The following NR2F1-AS1 variants were observed in gnomAD, a reference collection of about 807,000 sequenced individuals.
The protein encoded by NR2F1-AS1 is NR2F1 antisense RNA 1.
chr5:93,556,582 G>A (rs1752361237), intron 2 of NR2F1-AS1, among the ~76,000 whole-genome samples: 1 of 152,088 alleles, frequency 6.6e-6, no homozygotes, highest in South Asian at 2.1e-4. Context: ...AAAATCATTA[G>A]GGTGGGCCCT....
At chr5:93,567,918 T>G (rs183788556) in intron 1 of NR2F1-AS1, among the ~76,000 whole-genome samples, 1 of 152,288 alleles carries the variant, frequency 6.6e-6, no homozygotes, top group African/African-American at 2.4e-5. Context: ...TGGTCAAATA[T>G]CTGGGTAAAA....
At chr5:93,552,372 T>A (rs1239634539) in intron 4 of NR2F1-AS1, among the ~76,000 whole-genome samples, 1 of 152,076 alleles carries the variant, frequency 6.6e-6, no homozygotes, top group African/African-American at 2.4e-5. Context: ...AAGTGCAAAA[T>A]ACCTTATCAT....
At chr5:93,484,111 A>T (rs1036357458) in intron 4 of NR2F1-AS1, among the ~76,000 whole-genome samples, 1 of 152,208 alleles carries the variant, frequency 6.6e-6, no homozygotes, top group Admixed American at 6.5e-5. Flanking sequence ...CATCACAAAG[A>T]TACTCCTCGA....
At chr5:93,565,543 G>T (rs1234944338) in intron 1 of NR2F1-AS1, among the ~76,000 whole-genome samples, 1 of 151,942 alleles carries the variant, frequency 6.6e-6, no homozygotes, top group African/African-American at 2.4e-5. Context: ...AATATATTCT[G>T]GAAGGCTTCA....
intron 4 of NR2F1-AS1, among the ~76,000 whole-genome samples, chr5:93,465,038 C>T (rs1200318663): frequency 6.6e-6 from 1 of 152,242 alleles, no homozygotes; most frequent in African/African-American, 2.4e-5. Context: ...TCTCCTGACA[C>T]CTTGCAGCTT....
In NR2F1-AS1 at chr5:93,480,096, G is replaced by GA. The variant is rs1331126353; in HGVS notation, n.638+73664dup. Among the ~76,000 whole-genome samples, 3 of 151,748 alleles carry GA rather than the reference G, an allele frequency of 2.0e-5. No homozygotes were observed. The South Asian group carries it at 6.2e-4, about 32-fold the overall frequency. ...ATGGGTTACAGAAACAGAAAAGAGAGAAATGAAGAAACATTATCCAAAAAC... is the reference window on the plus strand; with the variant it reads ...ATGGGTTACAGAAACAGAAAAGAGAGAAAATGAAGAAACATTATCCAAAAAC... On this transcript the variant is annotated intron_variant and non_coding_transcript_variant, in intron 4 of 5. Transcript: ENST00000660523.
At position 93,466,038 on chromosome 5, in the gene NR2F1-AS1, C is replaced by T. The variant is rs143896877; in HGVS notation, n.639-70496G>A. ...TGTATACATATGTAACAAACCTGCA[C>T]GTTGTGCACATGTACCCTAGAACTT... On this transcript the variant is annotated intron_variant and non_coding_transcript_variant, in intron 4 of 5. Transcript: ENST00000660523. Among the ~76,000 whole-genome samples, 475 of 151,268 alleles carry T rather than the reference C, an allele frequency of 3.1e-3. 1 individual carries two copies. Among genetic ancestry groups the T allele is most frequent in the African/African-American group, 0.011 (450 of 41,114 alleles).
chr5:93,485,329 T>C (rs1414124122), intron 4 of NR2F1-AS1, among the ~76,000 whole-genome samples: 2 of 152,146 alleles, frequency 1.3e-5, no homozygotes, highest in Non-Finnish European at 2.9e-5. Context: ...CACAACTACA[T>C]GAAAACTGAA....
At chr5:93,427,222 A>C (rs1158091145) in intron 4 of NR2F1-AS1, among the ~76,000 whole-genome samples, 1 of 152,192 alleles carries the variant, frequency 6.6e-6, no homozygotes, top group East Asian at 1.9e-4. Context: ...CACAATTATA[A>C]ACTTTATATC....
In NR2F1-AS1 at chr5:93,568,912, G is replaced by A. The variant is rs1300279455; in HGVS notation, n.314-5449C>T. On this transcript the variant is annotated intron_variant and non_coding_transcript_variant, in intron 1 of 5. Coordinates refer to ENST00000660523, the Ensembl canonical transcript of NR2F1-AS1. The stretch of plus-strand genomic sequence containing the variant: ...TTTAATTCCTTTACTACCCTTGACA[G>A]TGACAAGAGCAAAACCCTTCTTTTC... Among the ~76,000 whole-genome samples the A allele has an allele frequency of 3.3e-5, 5 of 152,186 alleles. No individual in the cohort carries two copies. The East Asian group carries it at 9.6e-4, about 29-fold the overall frequency.
intron 4 of NR2F1-AS1, among the ~76,000 whole-genome samples, chr5:93,525,970 T>C (rs908540673): frequency 6.6e-6 from 1 of 151,656 alleles, no homozygotes; most frequent in African/African-American, 2.4e-5. Context: ...AGCAAAAAAA[T>C]TCAAAAGCTA....
At chr5:93,493,935 T>C (rs568355017) in intron 4 of NR2F1-AS1, among the ~76,000 whole-genome samples, 2 of 152,288 alleles carry the variant, frequency 1.3e-5, no homozygotes, top group African/African-American at 4.8e-5. Flanking sequence ...ACTTTAGATT[T>C]GGTAATGGAT....
At chr5:93,520,492 T>TGAG (rs1751479513) in intron 4 of NR2F1-AS1, among the ~76,000 whole-genome samples, 2 of 152,240 alleles carry the variant, frequency 1.3e-5, no homozygotes, top group South Asian at 4.1e-4. Flanking sequence ...AGTGTCCTTT[T>TGAG]TCACTCAACA....
At chr5:93,428,922 G>A (rs1749250174) in intron 4 of NR2F1-AS1, among the ~76,000 whole-genome samples, 1 of 152,118 alleles carries the variant, frequency 6.6e-6, no homozygotes, top group Non-Finnish European at 1.5e-5. Context: ...TTGAACTGGG[G>A]TGGATGCATA....
chr5:93,506,759 T>A (rs139883272), intron 4 of NR2F1-AS1, among the ~76,000 whole-genome samples: 155 of 152,136 alleles, frequency 1.0e-3, no homozygotes, highest in African/African-American at 3.6e-3. Flanking sequence ...CCAGAACACA[T>A]GGGGATTCTG....
At chr5:93,568,300 T>C (rs1414887598) in intron 1 of NR2F1-AS1, among the ~76,000 whole-genome samples, 1 of 152,196 alleles carries the variant, frequency 6.6e-6, no homozygotes, top group Non-Finnish European at 1.5e-5. Context: ...TACAGCAGTA[T>C]ATTCAAACTA....
chr5:93,483,389 A>G (rs1750643710), intron 4 of NR2F1-AS1, among the ~76,000 whole-genome samples: 1 of 152,230 alleles, frequency 6.6e-6, no homozygotes, highest in Non-Finnish European at 1.5e-5. Context: ...ACAAACAGAA[A>G]GGAATAGCAT....
At position 93,489,901 on chromosome 5, in the gene NR2F1-AS1, G is replaced by C. The variant is rs189467954; in HGVS notation, n.638+63860C>G. Among the ~76,000 whole-genome samples the C allele has an allele frequency of 2.4e-3, 370 of 152,228 alleles. 2 individuals are homozygous for C. Among genetic ancestry groups the C allele is most frequent in the African/African-American group, 8.4e-3 (347 of 41,538 alleles). On this transcript the variant is annotated intron_variant and non_coding_transcript_variant, in intron 4 of 5. Transcript: ENST00000660523. ...TTGGTCTAGATCTTCCCAGTTGCTC[G>C]TGATTTTATGTTCCTGCAAATATAA...
rs1172403483 is a variant in NR2F1-AS1 at position 93,537,832 on chromosome 5, T to C, written n.638+15929A>G. On this transcript the variant is annotated intron_variant and non_coding_transcript_variant, in intron 4 of 5. Coordinates refer to ENST00000660523, the Ensembl canonical transcript of NR2F1-AS1. ...GGTACTCCAATAACATTTCATTCAATGTCCTTCATTATAAGGCATATAAGA... is the reference window on the plus strand; with the variant it reads ...GGTACTCCAATAACATTTCATTCAACGTCCTTCATTATAAGGCATATAAGA... 2.0e-5 allele frequency among the ~76,000 whole-genome samples: 3 copies of C among 152,296 alleles called. 1 individual carries two copies. In the South Asian group the frequency reaches 6.2e-4, roughly 32 times the overall value.
Sources: gnomAD v4.1 joint callset for allele counts (sites outside exome capture counted in the v4.1 genomes callset) on GRCh38, gnomAD v4.1.1 for gene constraint, MANE v1.5 for transcripts, NCBI Gene and HGNC (gene_info 2026-07-23, HGNC 2026-07-21) for gene names.